Variants in AKR1E2 observed in about 807,000 individuals in gnomAD.
AKR1E2 encodes aldo-keto reductase family 1 member E2.
Under a neutral mutation model 41.9 loss-of-function variants are expected in AKR1E2, and 43 were observed. The observed-to-expected ratio is 1.03, with a 90% CI of 0.80 to 1.32. AKR1E2 has a LOEUF of 1.32. Among genes scored for constraint, AKR1E2 ranks in the 40% most tolerant of loss-of-function variants. The pLI, the probability that AKR1E2 is intolerant of heterozygous loss-of-function variation, is 0.00. For synonymous variants in AKR1E2, 121 were observed against 138.9 expected (o/e 0.87, Z 0.91); for missense variants, 423 against 396.5 (o/e 1.07, Z -0.57).
At chr10:4,845,909 C>T (rs1049042896) in intron 8 of AKR1E2, 3 of 463,304 alleles carry the variant, frequency 6.5e-6, no homozygotes, top group East Asian at 1.4e-4. Flanking sequence ...TAGGAGGGGC[C>T]GGAGGAAGTG....
intron 7 of AKR1E2, 113 bp downstream of exon 7, chr10:4,841,970 C>A: frequency 1.1e-6 from 1 of 895,082 alleles, no homozygotes; most frequent in South Asian, 2.0e-5. Context: ...CCAGGTGAGT[C>A]CATGACTCAT....
At chr10:4,860,151 C>T in the AKR1E2 span, among the ~76,000 whole-genome samples, 5 of 152,328 alleles carry the variant, frequency 3.3e-5, no homozygotes, top group Admixed American at 2.0e-4. Flanking sequence ...ACACTATCCC[C>T]CCATGTTCCA....
At chr10:4,835,536 G>T in intron 3 of AKR1E2, 139 bp from the exon 4 acceptor site, 1 of 1,087,036 alleles carries the variant, frequency 9.2e-7, no homozygotes, top group Non-Finnish European at 1.3e-6. Flanking sequence ...TTAGAAAGGT[G>T]AAGACTGGGC....
At chr10:4,828,453 C>T (rs1030824133) in intron 1 of AKR1E2, among the ~76,000 whole-genome samples, 2 of 152,210 alleles carry the variant, frequency 1.3e-5, no homozygotes, top group African/African-American at 2.4e-5. Flanking sequence ...CCTAGTAGGG[C>T]AGGTCACCTC....
intron 1 of AKR1E2, among the ~76,000 whole-genome samples, chr10:4,827,299 A>G (rs1165447224): frequency 1.3e-5 from 2 of 150,456 alleles, no homozygotes; most frequent in Non-Finnish European, 3.0e-5. Context: ...CACCTCTCTC[A>G]GTTATTATTG....
At chr10:4,839,445 A>G (rs1564268016) in intron 5 of AKR1E2, among the ~76,000 whole-genome samples, 1 of 144,682 alleles carries the variant, frequency 6.9e-6, no homozygotes, top group Non-Finnish European at 1.6e-5. Context: ...ATGGTGTGTT[A>G]ACAATCTTTA....
intron 1 of AKR1E2, among the ~76,000 whole-genome samples, chr10:4,828,174 C>A (rs1303770825): frequency 6.6e-6 from 1 of 152,200 alleles, no homozygotes; most frequent in Non-Finnish European, 1.5e-5. Context: ...TCCTCCCACA[C>A]GGGAGGTCAG....
At chr10:4,826,083 C>A (rs567135151), upstream of AKR1E2, 16 of 392,988 alleles carry the variant, frequency 4.1e-5, no homozygotes, top group East Asian at 2.9e-4. Context: ...GCTGGCTCTG[C>A]GCCTCCAGCC....
At chr10:4,825,031 G>A (rs917607033), upstream of AKR1E2, 21 of 455,492 alleles carry the variant, frequency 4.6e-5, no homozygotes, top group African/African-American at 1.8e-4. Context: ...AACTTGCCCC[G>A]TGCACAGGTG....
At chr10:4,829,434 T>C (rs1832794217) in intron 1 of AKR1E2, among the ~76,000 whole-genome samples, 1 of 152,222 alleles carries the variant, frequency 6.6e-6, no homozygotes. Flanking sequence ...ATAAGATGAA[T>C]GTGTGACTTT....
chr10:4,858,741 T>A, the AKR1E2 span, among the ~76,000 whole-genome samples: 2 of 151,866 alleles, frequency 1.3e-5, no homozygotes, highest in Non-Finnish European at 2.9e-5. Context: ...GAGACTAGAA[T>A]GCATGGAGAT....
chr10:4,833,563 A>G, intron 3 of AKR1E2, 97 bp downstream of exon 3: 2 of 1,042,666 alleles, frequency 1.9e-6, no homozygotes, highest in African/African-American at 1.6e-5. Flanking sequence ...ACCAGCATTC[A>G]GGGCAGGGGT....
chr10:4,863,832 C>A, the AKR1E2 span, among the ~76,000 whole-genome samples: 2 of 152,178 alleles, frequency 1.3e-5, no homozygotes, highest in Non-Finnish European at 2.9e-5. Context: ...ACTGTAAACA[C>A]CTCTATGCAA....
chr10:4,852,687 AT>A (rs1834550928), downstream of AKR1E2, among the ~76,000 whole-genome samples: 1 of 152,176 alleles, frequency 6.6e-6, no homozygotes, highest in South Asian at 2.1e-4. Context: ...ACAGAGATGG[AT>A]TGGCAAGGTC....
At position 4,833,370 on chromosome 10, in the gene AKR1E2, G is replaced by A; in HGVS notation, c.228G>A (p.Lys76=). Residue 76 remains lysine, a synonymous_variant, in exon 3 of 10, where the codon AAG becomes AAA. Transcript: ENST00000298375. ...IATKLWCTCH[K]KSLVETACRK... Reference sequence around the variant, plus strand: ...TGTAGCTGTGGTGCACCTGCCATAAGAAGTCCTTGGTGGAAACAGCATGCA... The same window carrying A: ...TGTAGCTGTGGTGCACCTGCCATAAAAAGTCCTTGGTGGAAACAGCATGCA... The A allele has an allele frequency of 6.2e-7, 1 of 1,614,206 alleles. No homozygotes were observed. The highest frequency in any genetic ancestry group is 8.5e-7 in the Non-Finnish European group (1 of 1,180,024).
intron 2 of AKR1E2, among the ~76,000 whole-genome samples, chr10:4,832,448 G>GT (rs1833043474): frequency 6.6e-6 from 1 of 152,196 alleles, no homozygotes; most frequent in South Asian, 2.1e-4. Context: ...AATAGTCCAG[G>GT]TAGGGATGTG....
At chr10:4,850,357 A>C (rs1834499174), downstream of AKR1E2, among the ~76,000 whole-genome samples, 1 of 152,232 alleles carries the variant, frequency 6.6e-6, no homozygotes, top group Non-Finnish European at 1.5e-5. Context: ...TTTGAATGGA[A>C]AATCCAAGGA....
At chr10:4,867,289 C>A in the AKR1E2 span, among the ~76,000 whole-genome samples, 2 of 152,214 alleles carry the variant, frequency 1.3e-5, no homozygotes, top group Admixed American at 6.5e-5. Flanking sequence ...TAGACTTCTC[C>A]AGTTTTGGTT....
In AKR1E2 at chr10:4,837,569, A is replaced by G; in HGVS notation, c.570A>G (p.Pro190=). The change falls in exon 5 of 10, where the codon CCA becomes CCG. Residue 190 remains proline, a synonymous_variant. Coordinates refer to ENST00000298375, the MANE Select transcript of AKR1E2 (RefSeq NM_001040177.3). ...ATAAGCCTGGGTTGAGGTTCAAGCCACTAACCAACCAGGTAAGCCGATGGA... is the reference window on the plus strand; with the variant it reads ...ATAAGCCTGGGTTGAGGTTCAAGCCGCTAACCAACCAGGTAAGCCGATGGA... ...LLNKPGLRFK[P]LTNQIECHPY... 1 of 1,613,422 alleles carries G rather than the reference A, an allele frequency of 6.2e-7. No homozygotes were observed. The highest frequency in any genetic ancestry group is 8.5e-7 in the Non-Finnish European group (1 of 1,179,460).
Sources: allele counts gnomAD v4.1 joint callset (sites outside exome capture counted in the v4.1 genomes callset), GRCh38; gene constraint gnomAD v4.1.1; transcripts MANE v1.5; gene names NCBI Gene and HGNC (gene_info 2026-07-23, HGNC 2026-07-21).